The following STIMATE variants were observed in gnomAD, a reference collection of about 807,000 sequenced individuals.
STIMATE encodes the protein store-operated calcium entry regulator STIMATE.
STIMATE carries 15 observed loss-of-function variants against 36.7 expected under a neutral mutation model. The ratio of observed to expected loss-of-function variants is 0.41; its 90% CI spans 0.27 to 0.63. The LOEUF is 0.63. Ranked by LOEUF, STIMATE falls within the 20% of genes least tolerant of loss-of-function variation. The probability of loss-of-function intolerance (pLI) is 0.32; values close to 1 mark genes in which losing one functional copy is unlikely to be tolerated. For synonymous variants in STIMATE, 163 were observed against 162.3 expected (o/e 1.00, Z -0.03); for missense variants, 305 against 397.3 (o/e 0.77, Z 1.98).
chr3:52,852,628 G>C lies in STIMATE; in HGVS notation c.280C>G (p.Leu94Val), dbSNP rs571392682. ...IHFANVYLAD[L>V]TEEDPCSLYL... The stretch of plus-strand genomic sequence containing the variant: ...AGTGAACAAGGGTCCTCTTCAGTGA[G>C]ATCTGCTAGGTATACATTTGCAAAG... Residue 94 changes from leucine to valine, a missense_variant, in exon 3 of 8, where the codon CTC (leucine) becomes GTC (valine). By Grantham distance (32) the Leu-to-Val change is conservative. Coordinates refer to ENST00000355083, the MANE Select transcript of STIMATE (RefSeq NM_198563.5). 89 of 1,614,182 alleles carry C rather than the reference G, an allele frequency of 5.5e-5. No homozygotes were observed. The South Asian group carries it at 9.6e-4, about 17-fold the overall frequency.
chr3:52,853,842 G>C (rs1701049268), intron 2 of STIMATE, among the ~76,000 whole-genome samples: 1 of 129,402 alleles, frequency 7.7e-6, no homozygotes, highest in Admixed American at 9.1e-5. Flanking sequence ...GGATAAAATG[G>C]CTATTTTGTT....
At position 52,852,367 on chromosome 3, in the gene STIMATE, A is replaced by G. The variant is rs372088899; in HGVS notation, c.305+236T>C. 4.1e-4 allele frequency among the ~76,000 whole-genome samples: 62 copies of G among 152,362 alleles called. No homozygotes were observed. The East Asian group carries it at 0.01, about 26-fold the overall frequency. ...AAGGACAGAACTTGGATTGATGAAC[A>G]GAAAGCCAGTGCATGGGGAAAGTGT... On this transcript the variant is annotated intron_variant, in intron 3 of 7. Coordinates refer to ENST00000355083, the MANE Select transcript of STIMATE (RefSeq NM_198563.5).
intron 1 of STIMATE, among the ~76,000 whole-genome samples, chr3:52,882,766 G>A (rs548329744): frequency 1.4e-4 from 21 of 152,262 alleles, no homozygotes; most frequent in Non-Finnish European, 2.5e-4. Context: ...GCAATGAGGA[G>A]TCTGCTAACA....
At position 52,836,997 on chromosome 3, in the gene STIMATE, G is replaced by A; in HGVS notation, c.*3497C>T. On this transcript the variant is annotated 3_prime_UTR_variant, in exon 8 of 8. Coordinates refer to ENST00000355083, the MANE Select transcript of STIMATE (RefSeq NM_198563.5). ...ACCAACCAACCCAGGAGCTCAAGGT[G>A]CTTGTGGCAAGTCAGACCATAAGTC... 1 of 180,664 alleles carries A rather than the reference G, an allele frequency of 5.5e-6. No individual in the cohort carries two copies. The highest frequency in any genetic ancestry group is 1.1e-4 in the South Asian group (1 of 8,708). 11.2% of individuals were successfully genotyped at this position (180,664 alleles called of 1,614,324 possible).
At chr3:52,891,256 G>C (rs960030623) in intron 1 of STIMATE, among the ~76,000 whole-genome samples, 1 of 152,128 alleles carries the variant, frequency 6.6e-6, no homozygotes, top group Non-Finnish European at 1.5e-5. Context: ...GGGTCCCAGG[G>C]ACCCGGCTTA....
intron 1 of STIMATE, among the ~76,000 whole-genome samples, chr3:52,875,755 C>T (rs1287176628): frequency 6.6e-6 from 1 of 152,210 alleles, no homozygotes; most frequent in East Asian, 1.9e-4. Context: ...ACCCCCAGTG[C>T]AGTAGGTTTC....
chr3:52,842,715 C>T (rs1700819301), intron 7 of STIMATE, 96 bp downstream of exon 7: 1 of 1,573,590 alleles, frequency 6.4e-7, no homozygotes, highest in African/African-American at 1.4e-5. Context: ...TGTGACTCTG[C>T]ACTCAAGGGA....
chr3:52,859,172 A>G lies in STIMATE; in HGVS notation c.161-3728T>C, dbSNP rs573158833. ...AGCGAGACTCCATCTCAAAAAAAATAAAATAAATAAAATAAAATAAAATAA... is the reference window on the plus strand; with the variant it reads ...AGCGAGACTCCATCTCAAAAAAAATGAAATAAATAAAATAAAATAAAATAA... On this transcript the variant is annotated intron_variant, in intron 1 of 7. Coordinates refer to ENST00000355083, the MANE Select transcript of STIMATE (RefSeq NM_198563.5). 2.4e-4 allele frequency among the ~76,000 whole-genome samples: 35 copies of G among 146,024 alleles called. 1 individual carries two copies. The East Asian group carries it at 6.7e-3, about 28-fold the overall frequency.
At chr3:52,895,056 G>A (rs75791629) in intron 1 of STIMATE, among the ~76,000 whole-genome samples, 17,297 of 152,242 alleles carry the variant, frequency 0.11, 1,027 homozygotes, top group Non-Finnish European at 0.13. Flanking sequence ...TGGCAGCTCC[G>A]CCAGACTGAG....
chr3:52,844,856 G>A lies in STIMATE; in HGVS notation c.513C>T (p.Ile171=), dbSNP rs147704393. The part of the protein sequence containing the change: ...IMIFEKSVVF[I]VLLILQWKKV... ...TTTTCCACTGAAGTATTAGGAGGACGATGAAGACGACAGACTTTTCAAAAA... is the reference window on the plus strand; with the variant it reads ...TTTTCCACTGAAGTATTAGGAGGACAATGAAGACGACAGACTTTTCAAAAA... The change falls in exon 5 of 8, where the codon ATC becomes ATT. Residue 171 remains isoleucine (I), a synonymous_variant. Transcript: ENST00000355083. The A allele has an allele frequency of 5.8e-4, 931 of 1,614,140 alleles. 4 individuals are homozygous for A. The highest frequency in any genetic ancestry group is 8.0e-4 in the Admixed American group (48 of 60,024).
At chr3:52,881,044 C>T (rs1227864822) in intron 1 of STIMATE, among the ~76,000 whole-genome samples, 1 of 151,790 alleles carries the variant, frequency 6.6e-6, no homozygotes, top group East Asian at 1.9e-4. Context: ...CAAAATTAGC[C>T]AGATGTGGTG....
At chr3:52,861,230 G>C (rs915452420) in intron 1 of STIMATE, among the ~76,000 whole-genome samples, 3 of 152,158 alleles carry the variant, frequency 2.0e-5, no homozygotes, top group Non-Finnish European at 2.9e-5. Flanking sequence ...AGTGATTCCT[G>C]CAAGAGCCCT....
At position 52,843,792 on chromosome 3, in the gene STIMATE, G is replaced by A; in HGVS notation, c.547C>T (p.Leu183=). 1 of 1,613,892 alleles carries A rather than the reference G, an allele frequency of 6.2e-7. No homozygotes were observed. The highest frequency in any genetic ancestry group is 8.5e-7 in the Non-Finnish European group (1 of 1,179,992). Residue 183 remains leucine, a synonymous_variant, in exon 6 of 8, where the codon CTG becomes TTG. Coordinates refer to ENST00000355083, the MANE Select transcript of STIMATE (RefSeq NM_198563.5). The part of the protein sequence containing the change: ...LLILQWKKVA[L]LNPIENPDLK... ...TCTGGGTTTTCAATGGGATTCAACA[G>A]GGCCACCTGTAAAGAGAAGCAGACT...
chr3:52,842,676 A>C, intron 7 of STIMATE, 135 bp downstream of exon 7: 2 of 1,513,746 alleles, frequency 1.3e-6, no homozygotes, highest in Non-Finnish European at 1.8e-6. Context: ...TCTCTGGCTC[A>C]GCCTCTTCTC....
intron 7 of STIMATE, among the ~76,000 whole-genome samples, 189 bp from the exon 8 acceptor site, chr3:52,840,799 G>A (rs1202069673): frequency 6.6e-6 from 1 of 151,394 alleles, no homozygotes; most frequent in Non-Finnish European, 1.5e-5. Flanking sequence ...TCCTGGGTTC[G>A]AGTGATTCTC....
intron 4 of STIMATE, among the ~76,000 whole-genome samples, 194 bp from the exon 5 acceptor site, chr3:52,845,135 G>T (rs1229719450): frequency 3.3e-5 from 5 of 152,096 alleles, no homozygotes; most frequent in Admixed American, 6.5e-5. Context: ...TAAAATCAGA[G>T]AATTCCTTAT....
chr3:52,867,075 T>C (rs1374091426), intron 1 of STIMATE, among the ~76,000 whole-genome samples: 1 of 152,130 alleles, frequency 6.6e-6, no homozygotes, highest in East Asian at 1.9e-4. Flanking sequence ...TCTTACCAGA[T>C]GGCATTTTTC....
intron 1 of STIMATE, among the ~76,000 whole-genome samples, chr3:52,896,775 T>C (rs2106744087): frequency 6.6e-6 from 1 of 152,142 alleles, no homozygotes; most frequent in African/African-American, 2.4e-5. Context: ...AGGCGGGTAC[T>C]GGGAAACGGA....
At position 52,844,810 on chromosome 3, in the gene STIMATE, A is replaced by C; in HGVS notation, c.540+19T>G. The C allele has an allele frequency of 6.2e-7, 1 of 1,613,034 alleles. No individual in the cohort carries two copies. The highest frequency in any genetic ancestry group is 8.5e-7 in the Non-Finnish European group (1 of 1,179,064). On this transcript the variant is annotated intron_variant, in intron 5 of 7. Coordinates refer to ENST00000355083, the MANE Select transcript of STIMATE (RefSeq NM_198563.5). ...TGCTCAGCGTGGCAAGGAGCTGCTCATGCAGGGACGAAGCAAACCTTTTTC... is the reference window on the plus strand; with the variant it reads ...TGCTCAGCGTGGCAAGGAGCTGCTCCTGCAGGGACGAAGCAAACCTTTTTC...
Sources: allele counts gnomAD v4.1 joint callset (sites outside exome capture counted in the v4.1 genomes callset), GRCh38; gene constraint gnomAD v4.1.1; transcripts MANE v1.5; gene names NCBI Gene and HGNC (gene_info 2026-07-23, HGNC 2026-07-21).